Variants in DPYD observed in about 807,000 individuals in gnomAD.
DPYD encodes the protein dihydropyrimidine dehydrogenase.
In DPYD, 109 loss-of-function variants were observed where a neutral mutation model predicts 116.2. The observed-to-expected ratio is 0.94, with a 90% CI of 0.80 to 1.10. DPYD has a LOEUF of 1.10. Ranked by LOEUF, DPYD falls within the 50% of genes least tolerant of loss-of-function variation. The pLI is 0.00. For synonymous variants in DPYD, 440 were observed against 432.0 expected, an observed-to-expected ratio of 1.02 and a Z score of -0.23; for missense variants, 1,302 against 1,254.5, an observed-to-expected ratio of 1.04 and a Z score of -0.57.
At chr1:97,220,488 G>T (rs771216790) in intron 19 of DPYD, among the ~76,000 whole-genome samples, 2 of 152,108 alleles carry the variant, frequency 1.3e-5, no homozygotes, top group Non-Finnish European at 2.9e-5. Flanking sequence ...TCTTGTGAGG[G>T]AGCTTCTAGC....
At chr1:97,544,141 G>T (rs540897640) in intron 12 of DPYD, among the ~76,000 whole-genome samples, 2 of 152,320 alleles carry the variant, frequency 1.3e-5, no homozygotes, top group African/African-American at 2.4e-5. Flanking sequence ...TCTGGCTGCA[G>T]TGTAGGGGCA....
At chr1:97,229,135 C>T (rs755762595) in intron 19 of DPYD, among the ~76,000 whole-genome samples, 9 of 134,440 alleles carry the variant, frequency 6.7e-5, no homozygotes, top group Admixed American at 3.4e-4. Context: ...ACCCGGGAGG[C>T]GGAGCTTGCT....
chr1:97,360,754 A>G (rs950046436), intron 16 of DPYD, among the ~76,000 whole-genome samples: 9 of 152,228 alleles, frequency 5.9e-5, no homozygotes, highest in Admixed American at 4.6e-4. Flanking sequence ...CTTTGAAACC[A>G]ATGAGAACAA....
chr1:97,395,426 G>A (rs997213318), intron 14 of DPYD, among the ~76,000 whole-genome samples: 1 of 151,824 alleles, frequency 6.6e-6, no homozygotes, highest in African/African-American at 2.4e-5. Context: ...TAATAATGAG[G>A]CATGGATAAT....
At chr1:97,687,079 T>C (rs547980473) in intron 7 of DPYD, among the ~76,000 whole-genome samples, 2 of 152,110 alleles carry the variant, frequency 1.3e-5, no homozygotes, top group Non-Finnish European at 2.9e-5. Context: ...AAAACCAGCC[T>C]GGCCAACATG....
intron 3 of DPYD, among the ~76,000 whole-genome samples, chr1:97,782,715 C>A (rs1242519981): frequency 6.6e-6 from 1 of 152,180 alleles, no homozygotes; most frequent in African/African-American, 2.4e-5. Context: ...CTTTATATGA[C>A]AATCCCTTCT....
intron 12 of DPYD, among the ~76,000 whole-genome samples, chr1:97,519,006 T>A (rs1223367200): frequency 6.6e-6 from 1 of 152,160 alleles, no homozygotes; most frequent in African/African-American, 2.4e-5. Context: ...GAGAATTACA[T>A]CTCAGAATCA....
intron 18 of DPYD, among the ~76,000 whole-genome samples, chr1:97,291,587 A>C (rs1666176465): frequency 6.6e-6 from 1 of 152,144 alleles, no homozygotes; most frequent in Admixed American, 6.6e-5. Context: ...TATCGCAAGG[A>C]CAAAAAACCA....
At chr1:97,641,039 T>A (rs1657862979) in intron 8 of DPYD, among the ~76,000 whole-genome samples, 1 of 152,200 alleles carries the variant, frequency 6.6e-6, no homozygotes, top group Non-Finnish European at 1.5e-5. Context: ...TCCCAGTTTT[T>A]CTTAGATGAA....
At chr1:97,181,423 A>C (rs1257226052) in intron 20 of DPYD, among the ~76,000 whole-genome samples, 3 of 152,142 alleles carry the variant, frequency 2.0e-5, no homozygotes, top group Non-Finnish European at 4.4e-5. Context: ...TATTTTAGGA[A>C]GAATGATGGA....
At chr1:97,297,114 G>GT (rs1296045528) in intron 18 of DPYD, among the ~76,000 whole-genome samples, 1 of 152,086 alleles carries the variant, frequency 6.6e-6, no homozygotes, top group East Asian at 1.9e-4. Context: ...GAAAACCACA[G>GT]AAATAATGTA....
intron 18 of DPYD, among the ~76,000 whole-genome samples, chr1:97,251,557 T>C (rs992798810): frequency 1.3e-5 from 2 of 152,136 alleles, no homozygotes; most frequent in Admixed American, 6.5e-5. Flanking sequence ...ATGGTGGTGT[T>C]GCTCTTGTTA....
At chr1:97,604,522 T>C (rs1655461677) in intron 8 of DPYD, among the ~76,000 whole-genome samples, 1 of 152,096 alleles carries the variant, frequency 6.6e-6, no homozygotes, top group Non-Finnish European at 1.5e-5. Flanking sequence ...CAAATTTATT[T>C]TATTTTACTC....
Position 97,859,216 on chromosome 1 carries a change from G to C in DPYD, c.150+24048C>G, listed in dbSNP as rs527408534. 1.6e-4 allele frequency among the ~76,000 whole-genome samples: 24 copies of C among 152,152 alleles called. No homozygotes were observed. In the East Asian group the frequency reaches 4.3e-3, roughly 27 times the overall value. ...ATAAAATATGTAAGCTTAAAAAAAA[G>C]AATCTCTATGGTATGATTGTGTTGT... On this transcript the variant is annotated intron_variant, in intron 2 of 22. Transcript: ENST00000370192.
intron 8 of DPYD, among the ~76,000 whole-genome samples, chr1:97,664,868 G>A (rs539791480): frequency 5.9e-5 from 9 of 152,014 alleles, no homozygotes; most frequent in Admixed American, 1.3e-4. Context: ...ACACATGCAC[G>A]CACACACACA....
intron 18 of DPYD, among the ~76,000 whole-genome samples, chr1:97,293,181 C>T (rs1666319313): frequency 6.6e-6 from 1 of 152,118 alleles, no homozygotes; most frequent in South Asian, 2.1e-4. Flanking sequence ...TTTTTTAAAA[C>T]AGTGATTAAT....
In DPYD at chr1:97,515,766, C is replaced by A. The variant is rs1188134745; in HGVS notation, c.1700G>T (p.Gly567Val). The A allele has an allele frequency of 6.2e-7, 1 of 1,612,804 alleles. No homozygotes were observed. The highest frequency in any genetic ancestry group is 1.1e-5 in the South Asian group (1 of 91,054). ...AGTTTTGGTGAGGGCAAAACCCCAT[C>A]CAGCTTCAAAAGCTCTTCGAATCAT... Reference protein sequence around the residue: ...TSMIRRAFEAGWGFALTKTFS... With the variant: ...TSMIRRAFEAVWGFALTKTFS... The change falls in exon 13 of 23, where the codon GGA becomes GTA. Residue 567 changes from glycine (G) to valine (V), a missense_variant. Physicochemically the swap from Gly to Val is moderately radical, Grantham distance 109. Transcript: ENST00000370192.
chr1:97,239,502 C>T (rs1387797046), intron 18 of DPYD, among the ~76,000 whole-genome samples: 1 of 151,552 alleles, frequency 6.6e-6, no homozygotes, highest in East Asian at 1.9e-4. Flanking sequence ...CAGTTTGTGT[C>T]CTAACTATAT....
intron 14 of DPYD, among the ~76,000 whole-genome samples, chr1:97,412,872 A>G (rs1674087123): frequency 6.6e-6 from 1 of 152,210 alleles, no homozygotes; most frequent in Admixed American, 6.5e-5. Flanking sequence ...ATGAAAGAAC[A>G]GAAAGGTGTC....
Sources: allele counts gnomAD v4.1 joint callset (sites outside exome capture counted in the v4.1 genomes callset), GRCh38; gene constraint gnomAD v4.1.1; transcripts MANE v1.5; gene names NCBI Gene and HGNC (gene_info 2026-07-23, HGNC 2026-07-21).